ZNF98: variants seen among roughly 807,000 people sequenced by gnomAD.
The protein encoded by ZNF98 is zinc finger protein 739.
A neutral mutation model predicts 12.8 loss-of-function variants in ZNF98; 8 were observed. The ratio of observed to expected loss-of-function variants is 0.63; its 90% CI spans 0.37 to 1.13. The LOEUF (loss-of-function observed/expected upper bound fraction) is 1.13. ZNF98 is among the 50% of genes most tolerant of loss of function. ZNF98 has a pLI of 0.01. For synonymous variants in ZNF98, 112 were observed against 223.5 expected (o/e 0.50, Z 4.45); for missense variants, 379 against 666.1 (o/e 0.57, Z 4.74).
intron 1 of ZNF98, among the ~76,000 whole-genome samples, chr19:22,421,161 G>A (rs1175303339): frequency 6.6e-6 from 1 of 152,028 alleles, no homozygotes; most frequent in African/African-American, 2.4e-5. Context: ...CTTCAAATGA[G>A]AAAACATCTT....
intron 3 of ZNF98, among the ~76,000 whole-genome samples, chr19:22,397,964 ACT>A (rs1050773550): frequency 1.3e-5 from 2 of 151,536 alleles, no homozygotes; most frequent in Non-Finnish European, 2.9e-5. Flanking sequence ...ACATATATAA[ACT>A]CTCACATATA....
chr19:22,422,088 G>C, intron 1 of ZNF98, 107 bp downstream of exon 1: 1 of 1,401,716 alleles, frequency 7.1e-7, no homozygotes, highest in Non-Finnish European at 1.0e-6. Flanking sequence ...TAGGGGCACG[G>C]ATTGTGGAGC....
chr19:22,418,756 C>G (rs555666929), intron 1 of ZNF98, among the ~76,000 whole-genome samples: 2 of 152,114 alleles, frequency 1.3e-5, no homozygotes, highest in Non-Finnish European at 1.5e-5. Flanking sequence ...TTGGTAGGTG[C>G]CTGTAATCCC....
In ZNF98 at chr19:22,422,086, C is replaced by T. The variant is rs572568176; in HGVS notation, c.30+109G>A. On this transcript the variant is annotated intron_variant, in intron 1 of 3. Coordinates refer to ENST00000357774, the MANE Select transcript of ZNF98 (RefSeq NM_001098626.2). ...AGCTAGGCAAGGAGAACTAGGGGCA[C>T]GGATTGTGGAGCTGACAGCGGGGAG... 3.6e-6 allele frequency: 5 copies of T among 1,387,794 alleles called. No homozygotes were observed. In the African/African-American group the frequency reaches 4.3e-5, roughly 12 times the overall value. The allele number at this position is 1,387,794 out of a possible 1,614,324, so 86.0% of individuals were successfully genotyped here.
intron 1 of ZNF98, among the ~76,000 whole-genome samples, chr19:22,404,419 G>A (rs1358037937): frequency 6.6e-6 from 1 of 152,178 alleles, no homozygotes; most frequent in Non-Finnish European, 1.5e-5. Context: ...ACAGATAAAT[G>A]CAAAGAAAAC....
At chr19:22,401,764 C>T (rs1157141649) in intron 3 of ZNF98, among the ~76,000 whole-genome samples, 1 of 151,572 alleles carries the variant, frequency 6.6e-6, no homozygotes, top group Non-Finnish European at 1.5e-5. Context: ...GGATTACAGG[C>T]GTGAGCCACC....
At chr19:22,406,187 G>A (rs1430406002) in intron 1 of ZNF98, among the ~76,000 whole-genome samples, 2 of 152,124 alleles carry the variant, frequency 1.3e-5, no homozygotes, top group Admixed American at 6.5e-5. Context: ...TCCAACTGGG[G>A]TTGTCAGACA....
intron 3 of ZNF98, among the ~76,000 whole-genome samples, chr19:22,393,854 G>C (rs1346772892): frequency 1.3e-5 from 2 of 152,096 alleles, no homozygotes; most frequent in Middle Eastern, 3.2e-3. Context: ...TTAAACTAAA[G>C]AGCTTCTGTA....
intron 1 of ZNF98, among the ~76,000 whole-genome samples, chr19:22,410,110 T>G (rs1245380781): frequency 2.0e-5 from 3 of 152,160 alleles, no homozygotes; most frequent in Non-Finnish European, 2.9e-5. Flanking sequence ...CAATAGATGC[T>G]GGTGAGGCTG....
At chr19:22,415,590 T>C (rs934253092) in intron 1 of ZNF98, among the ~76,000 whole-genome samples, 3 of 131,578 alleles carry the variant, frequency 2.3e-5, no homozygotes, top group Non-Finnish European at 3.1e-5. Flanking sequence ...CAGCGGAACA[T>C]GGCAAGACCC....
At chr19:22,416,490 T>C (rs1969644605) in intron 1 of ZNF98, among the ~76,000 whole-genome samples, 2 of 150,704 alleles carry the variant, frequency 1.3e-5, no homozygotes, top group African/African-American at 2.4e-5. Flanking sequence ...CAAAAAAGTA[T>C]GGTGTCCGGG....
chr19:22,422,077 CTAG>C (rs1969710706), intron 1 of ZNF98, 115 bp downstream of exon 1: 2 of 1,325,890 alleles, frequency 1.5e-6, no homozygotes, highest in Non-Finnish European at 1.1e-6. Flanking sequence ...GCAAGGAGAA[CTAG>C]GGGCACGGAT....
chr19:22,419,735 T>C (rs1373023616), intron 1 of ZNF98, among the ~76,000 whole-genome samples: 1 of 152,214 alleles, frequency 6.6e-6, no homozygotes, highest in Non-Finnish European at 1.5e-5. Context: ...ATTAGTCATA[T>C]GGGACCATTT....
intron 3 of ZNF98, among the ~76,000 whole-genome samples, chr19:22,401,807 G>T (rs1042128916): frequency 6.6e-6 from 1 of 151,508 alleles, no homozygotes; most frequent in African/African-American, 2.4e-5. Context: ...TTAAAGTGCC[G>T]TGTTATCTAC....
At chr19:22,403,269 AAC>A (rs1225252473) in intron 2 of ZNF98, 115 bp downstream of exon 2, 56 of 1,278,180 alleles carry the variant, frequency 4.4e-5, no homozygotes, top group African/African-American at 1.2e-4. Context: ...AAAAAAAAAA[AAC>A]AAAAAAAAAA....
intron 3 of ZNF98, among the ~76,000 whole-genome samples, chr19:22,402,175 CAAAAAAAAA>C (rs869111485): frequency 6.6e-5 from 4 of 60,512 alleles, no homozygotes; most frequent in African/African-American, 1.9e-4. Flanking sequence ...GACTCCATCT[CAAAAAAAAA>C]AAAAAAAAAA....
rs1460183448 is a variant in ZNF98 at position 22,407,827 on chromosome 19, T to G, written c.31-4315A>C. On this transcript the variant is annotated intron_variant, in intron 1 of 3. Transcript: ENST00000357774. ...AGCTCACGCCTGTAATCCGCCACTT[T>G]GGGAGGCCGAGGCGGGCAGATCACG... is the stretch of plus-strand genomic sequence containing the variant. Among the ~76,000 whole-genome samples the G allele has an allele frequency of 3.9e-5, 6 of 152,004 alleles. No homozygotes were observed. The East Asian group carries it at 1.2e-3, about 29-fold the overall frequency.
At chr19:22,410,823 G>A (rs1969572783) in intron 1 of ZNF98, among the ~76,000 whole-genome samples, 1 of 152,098 alleles carries the variant, frequency 6.6e-6, no homozygotes, top group African/African-American at 2.4e-5. Flanking sequence ...GTCCCGTCAA[G>A]GCTGATGTTG....
intron 1 of ZNF98, 82 bp downstream of exon 1, chr19:22,422,113 C>A (rs2145126146): frequency 6.4e-7 from 1 of 1,564,090 alleles, no homozygotes; most frequent in East Asian, 2.3e-5. Context: ...AGCGGGGAGG[C>A]CTGAGTCCCG....
Sources: gnomAD v4.1 joint callset for allele counts (sites outside exome capture counted in the v4.1 genomes callset) on GRCh38, gnomAD v4.1.1 for gene constraint, MANE v1.5 for transcripts, NCBI Gene and HGNC (gene_info 2026-07-23, HGNC 2026-07-21) for gene names.